Variants in CALN1 observed in about 807,000 individuals in gnomAD.
CALN1 encodes the protein calneuron 1.
In CALN1, 17 loss-of-function variants were observed where a neutral mutation model predicts 30.6. The ratio of observed to expected loss-of-function variants is 0.56; its 90% confidence interval spans 0.38 to 0.83. The LOEUF (loss-of-function observed/expected upper bound fraction) is 0.83, where lower values mean the gene tolerates loss of function less well. Among genes scored for constraint, CALN1 ranks in the 40% least tolerant of loss-of-function variants. The probability of loss-of-function intolerance (pLI) is 0.00; values close to 1 mark genes in which losing one functional copy is unlikely to be tolerated. For synonymous variants in CALN1, 156 were observed against 131.4 expected (o/e 1.19, Z -1.28); for missense variants, 291 against 354.9 (o/e 0.82, Z 1.45).
intron 2 of CALN1, among the ~76,000 whole-genome samples, chr7:72,302,044 A>C (rs1239771234): frequency 6.6e-6 from 1 of 152,218 alleles, no homozygotes; most frequent in Non-Finnish European, 1.5e-5. Context: ...GCTGCTAAAA[A>C]AAAAACAGTC....
intron 3 of CALN1, among the ~76,000 whole-genome samples, chr7:72,204,015 A>G (rs1179557148): frequency 5.7e-4 from 49 of 86,482 alleles, no homozygotes; most frequent in Non-Finnish European, 5.0e-4. Flanking sequence ...TTTTTGAGAC[A>G]GAGTCTCACT....
intron 2 of CALN1, among the ~76,000 whole-genome samples, chr7:72,396,067 G>A (rs113948106): frequency 2.6e-5 from 4 of 151,812 alleles, no homozygotes; most frequent in African/African-American, 7.3e-5. Context: ...TCAGCAAACT[G>A]ATGGGAGCAG....
rs1346410867 is a variant in CALN1, at chr7:71,827,608, TA to T, written c.502-17117del. Among the ~76,000 whole-genome samples, 5 of 151,608 alleles carry T rather than the reference TA, an allele frequency of 3.3e-5. No homozygotes were observed. In the South Asian group the frequency reaches 1.0e-3, roughly 32 times the overall value. On this transcript the variant is annotated intron_variant, in intron 5 of 6. Transcript: ENST00000395275. The stretch of plus-strand genomic sequence containing the variant: ...CAACACAGTGAAACCCCATCTCTAC[TA>T]AAAATACAAAAAATTAGCTGGGCAT...
Position 72,183,935 on chromosome 7 carries a change from T to C in CALN1, c.245-77641A>G, listed in dbSNP as rs182504856. 2.6e-3 allele frequency among the ~76,000 whole-genome samples: 394 copies of C among 152,126 alleles called. 1 individual carries two copies. The Middle Eastern group carries it at 0.027, about 11-fold the overall frequency. On this transcript the variant is annotated intron_variant, in intron 3 of 6. Transcript: ENST00000395275. ...TTTTTTTTCTAGTAAAGTCGCTTCATGGATCCAAAGCAGGAGTAGGGGGAA... is the reference window on the plus strand; with the variant it reads ...TTTTTTTTCTAGTAAAGTCGCTTCACGGATCCAAAGCAGGAGTAGGGGGAA...
At chr7:72,233,506 AG>A (rs1464961644) in intron 3 of CALN1, among the ~76,000 whole-genome samples, 8 of 152,154 alleles carry the variant, frequency 5.3e-5, no homozygotes, top group Non-Finnish European at 1.0e-4. Flanking sequence ...ACTTGAGACC[AG>A]GAGTTTGAGA....
chr7:72,319,061 T>C (rs547398390), intron 2 of CALN1, among the ~76,000 whole-genome samples: 2 of 152,072 alleles, frequency 1.3e-5, no homozygotes, highest in African/African-American at 4.8e-5. Context: ...GAAATCATCT[T>C]ATCAAAAAGA....
intron 5 of CALN1, among the ~76,000 whole-genome samples, chr7:71,936,399 CA>C (rs745646988): frequency 0.047 from 3,497 of 74,610 alleles, 67 homozygotes; most frequent in African/African-American, 0.11. Context: ...GACTCAGTCT[CA>C]AAAAAAAAAA....
At chr7:72,048,055 T>TC (rs1213994265) in intron 4 of CALN1, among the ~76,000 whole-genome samples, 1 of 151,054 alleles carries the variant, frequency 6.6e-6, no homozygotes, top group African/African-American at 2.4e-5. Context: ...TTTTTTTTTT[T>TC]TTGAGACAGA....
the CALN1 span, among the ~76,000 whole-genome samples, chr7:72,456,571 G>T: frequency 1.3e-5 from 2 of 151,898 alleles, no homozygotes; most frequent in African/African-American, 4.8e-5. Context: ...AGATCCCTCA[G>T]CCAGGCATGG....
chr7:72,219,740 G>GCGCA (rs71873677), intron 3 of CALN1, among the ~76,000 whole-genome samples: 1 of 150,610 alleles, frequency 6.6e-6, no homozygotes, highest in Non-Finnish European at 1.5e-5. Flanking sequence ...AAGCATGCAC[G>GCGCA]CACACACACA....
chr7:71,909,507 G>C (rs752941488), intron 5 of CALN1, among the ~76,000 whole-genome samples: 1 of 151,842 alleles, frequency 6.6e-6, no homozygotes, highest in South Asian at 2.1e-4. Context: ...TGGATTGGAA[G>C]CCAATGAGCC....
At chr7:72,016,399 C>A (rs1800381308) in intron 5 of CALN1, among the ~76,000 whole-genome samples, 1 of 151,880 alleles carries the variant, frequency 6.6e-6, no homozygotes. Flanking sequence ...CAAATGCTCT[C>A]AACTGTCCAT....
rs138440199 is a variant in CALN1, at chr7:72,401,737, A to G, written c.119+1514T>C. Among the ~76,000 whole-genome samples, 176 of 152,354 alleles carry G rather than the reference A, an allele frequency of 1.2e-3. 1 individual carries two copies. The highest frequency in any genetic ancestry group is 4.0e-3 in the African/African-American group (167 of 41,588). ...CAAATGAGGAAACATTTTTAATGTA[A>G]CAGTGTGTTGAGCAAAAAGATTTGT... On this transcript the variant is annotated intron_variant, in intron 2 of 6. Coordinates refer to ENST00000395275, the MANE Select transcript of CALN1 (RefSeq NM_031468.4).
intron 5 of CALN1, among the ~76,000 whole-genome samples, chr7:72,015,134 T>C (rs1283814097): frequency 3.9e-5 from 6 of 152,206 alleles, no homozygotes; most frequent in African/African-American, 1.4e-4. Context: ...TTAAATAGAC[T>C]AAAGATCAAT....
At chr7:71,924,185 C>T (rs1316688721) in intron 5 of CALN1, among the ~76,000 whole-genome samples, 4 of 123,588 alleles carry the variant, frequency 3.2e-5, no homozygotes, top group Non-Finnish European at 6.5e-5. Context: ...AAGAGTGAAA[C>T]TCAGTCTCAA....
At chr7:72,417,347 C>T (rs1807456060) in intron 1 of CALN1, among the ~76,000 whole-genome samples, 2 of 152,190 alleles carry the variant, frequency 1.3e-5, no homozygotes, top group Non-Finnish European at 2.9e-5. Flanking sequence ...GATTAAGCAC[C>T]AGCCAACAAA....
intron 5 of CALN1, among the ~76,000 whole-genome samples, chr7:71,996,200 C>T (rs1799244209): frequency 6.6e-6 from 1 of 152,124 alleles, no homozygotes; most frequent in Admixed American, 6.5e-5. Flanking sequence ...AGATAACTGC[C>T]TACTAAAAGA....
At chr7:72,395,710 T>G (rs899696637) in intron 2 of CALN1, among the ~76,000 whole-genome samples, 67 of 152,092 alleles carry the variant, frequency 4.4e-4, no homozygotes, top group African/African-American at 1.6e-3. Context: ...AAAAGTTTCT[T>G]AGGTAAGATC....
At chr7:72,265,968 T>C (rs1192413993) in intron 3 of CALN1, among the ~76,000 whole-genome samples, 1 of 151,536 alleles carries the variant, frequency 6.6e-6, no homozygotes, top group Non-Finnish European at 1.5e-5. Context: ...GCCCTATCTC[T>C]CCAAAAATAA....
Sources: allele counts gnomAD v4.1 joint callset (sites outside exome capture counted in the v4.1 genomes callset), GRCh38; gene constraint gnomAD v4.1.1; transcripts MANE v1.5; gene names NCBI Gene and HGNC (gene_info 2026-07-23, HGNC 2026-07-21).